The following ATP2C1 variants were observed in gnomAD, a reference collection of about 807,000 sequenced individuals.
ATP2C1 encodes the protein calcium-transporting ATPase type 2C member 1.
In ATP2C1, 31 loss-of-function variants were observed where a neutral mutation model predicts 120.5. The observed-to-expected ratio is 0.26, with a 90% CI of 0.19 to 0.35. ATP2C1 has a LOEUF of 0.35. Among genes scored for constraint, ATP2C1 ranks in the 10% least tolerant of loss-of-function variants. The pLI, the probability that ATP2C1 is intolerant of heterozygous loss-of-function variation, is 1.00. For synonymous variants in ATP2C1, 351 were observed against 358.7 expected (o/e 0.98, Z 0.24); for missense variants, 731 against 1,107.5 (o/e 0.66, Z 4.83).
intron 8 of ATP2C1, among the ~76,000 whole-genome samples, chr3:130,951,529 A>C (rs2060368641): frequency 6.6e-6 from 1 of 152,182 alleles, no homozygotes; most frequent in Non-Finnish European, 1.5e-5. Context: ...GGCCCATTTT[A>C]AGATTTGTTT....
At chr3:130,989,258 A>AC (rs1355371793) in intron 20 of ATP2C1, among the ~76,000 whole-genome samples, 6 of 146,598 alleles carry the variant, frequency 4.1e-5, no homozygotes, top group Non-Finnish European at 7.5e-5. Flanking sequence ...AAAAAAAAAA[A>AC]AAACAAAAAA....
At chr3:130,897,761 A>G (rs1056583658) in intron 2 of ATP2C1, among the ~76,000 whole-genome samples, 18 of 152,206 alleles carry the variant, frequency 1.2e-4, no homozygotes, top group African/African-American at 3.9e-4. Flanking sequence ...AGCTTGACCA[A>G]TTTTTAGCTG....
rs149854711 is a variant in ATP2C1, at chr3:131,010,169, CTCT to C, written c.2630-5980_2630-5978del. Among the ~76,000 whole-genome samples, 1,184 of 149,176 alleles carry C rather than the reference CTCT, an allele frequency of 7.9e-3. 15 individuals carry two copies. Among genetic ancestry groups the C allele is most frequent in the African/African-American group, 0.027 (1,107 of 40,556 alleles). ...AATTCCTAGGAAATGGTAATATCTG[CTCT>C]TCATCTTTTTCTATCTTTTTTTTTT... On this transcript the variant is annotated intron_variant, in intron 26 of 26. Coordinates refer to the ATP2C1 transcript ENST00000328560.
chr3:130,858,566 G>A (rs969731609), intron 1 of ATP2C1, among the ~76,000 whole-genome samples: 1 of 152,160 alleles, frequency 6.6e-6, no homozygotes, highest in Non-Finnish European at 1.5e-5. Context: ...GCATCTTTCT[G>A]TGGGGGCTAT....
At chr3:130,977,330 G>A (rs969197966) in intron 18 of ATP2C1, among the ~76,000 whole-genome samples, 1 of 152,034 alleles carries the variant, frequency 6.6e-6, no homozygotes, top group Non-Finnish European at 1.5e-5. Flanking sequence ...AAAGACCGTT[G>A]GTGAACAAAA....
intron 1 of ATP2C1, among the ~76,000 whole-genome samples, chr3:130,880,520 A>T (rs2068747652): frequency 6.6e-6 from 1 of 152,210 alleles, no homozygotes; most frequent in Non-Finnish European, 1.5e-5. Context: ...GGCATACTGT[A>T]AATGCTTCTA....
intron 6 of ATP2C1, 24 bp downstream of exon 6, chr3:130,937,487 T>C: frequency 6.2e-7 from 1 of 1,604,278 alleles, no homozygotes; most frequent in Non-Finnish European, 8.5e-7. Context: ...TTTGCCAACA[T>C]GAAAATGGTA....
chr3:130,959,052 G>A (rs2060702375), intron 11 of ATP2C1, among the ~76,000 whole-genome samples: 1 of 152,098 alleles, frequency 6.6e-6, no homozygotes, highest in Admixed American at 6.6e-5. Flanking sequence ...CATGTGTGGT[G>A]TGTGTGTGCA....
chr3:131,006,635 T>TTGTGTGTGTGTG (rs3073260), downstream of ATP2C1, among the ~76,000 whole-genome samples: 3 of 147,166 alleles, frequency 2.0e-5, no homozygotes, highest in East Asian at 4.0e-4. Context: ...TAGTGTGTGT[T>TTGTGTGTGTGTG]TGTGTGTGTG....
intron 1 of ATP2C1, chr3:130,856,047 GA>G (rs2067831016): frequency 1.3e-5 from 2 of 151,994 alleles, no homozygotes; most frequent in Middle Eastern, 6.8e-3. Context: ...GTTTAACAGT[GA>G]ATCTGCTTAA....
intron 6 of ATP2C1, 61 bp from the exon 7 acceptor site, chr3:130,940,569 A>G: frequency 9.3e-7 from 1 of 1,070,470 alleles, no homozygotes; most frequent in Non-Finnish European, 1.4e-6. Context: ...GAGATTAATA[A>G]GTCTAAATGG....
chr3:130,945,670 C>T (rs1412409505), intron 8 of ATP2C1, among the ~76,000 whole-genome samples: 1 of 152,098 alleles, frequency 6.6e-6, no homozygotes, highest in Non-Finnish European at 1.5e-5. Context: ...CCAGCTTCAT[C>T]CATGTCCCTA....
intron 5 of ATP2C1, among the ~76,000 whole-genome samples, chr3:130,937,047 GTTA>G (rs2108408612): frequency 6.6e-6 from 1 of 152,132 alleles, no homozygotes; most frequent in African/African-American, 2.4e-5. Context: ...TTTTCATAAA[GTTA>G]TTTGTGTTAG....
intron 1 of ATP2C1, among the ~76,000 whole-genome samples, chr3:130,877,197 C>A (rs2068631505): frequency 6.6e-6 from 1 of 152,166 alleles, no homozygotes; most frequent in African/African-American, 2.4e-5. Context: ...CATTCCTTCA[C>A]TCACAGTCTT....
At chr3:131,004,149 T>C (rs1369180897), downstream of ATP2C1, among the ~76,000 whole-genome samples, 2 of 152,232 alleles carry the variant, frequency 1.3e-5, no homozygotes, top group Non-Finnish European at 2.9e-5. Flanking sequence ...CCATTTACTT[T>C]AAAAATACAC....
At chr3:130,892,271 T>TCAAAGTA, upstream of ATP2C1, among the ~76,000 whole-genome samples, 1 of 152,236 alleles carries the variant, frequency 6.6e-6, no homozygotes, top group East Asian at 1.9e-4. Flanking sequence ...AGTATTTATA[T>TCAAAGTA]TGTGTAATTT....
intron 2 of ATP2C1, among the ~76,000 whole-genome samples, chr3:130,916,831 G>T (rs1228496500): frequency 6.6e-6 from 1 of 151,954 alleles, no homozygotes; most frequent in African/African-American, 2.4e-5. Context: ...CCATACAAAT[G>T]GTGTTTTCTT....
chr3:130,905,586 T>C (rs1051840175), intron 2 of ATP2C1, among the ~76,000 whole-genome samples: 2 of 152,138 alleles, frequency 1.3e-5, no homozygotes, highest in Non-Finnish European at 2.9e-5. Flanking sequence ...TTTCAGAAGT[T>C]ACTTGGGTTC....
rs3773799 is a variant in ATP2C1, at chr3:130,930,020, A to C, written c.7-396A>C. On this transcript the variant is annotated intron_variant, in intron 2 of 27. Transcript: ENST00000510168. ...GCTGACTGACTAAGAGGAGTAGTTAAAATGGAGAAAGCTTAGCTGTACTTT... is the reference window on the plus strand; with the variant it reads ...GCTGACTGACTAAGAGGAGTAGTTACAATGGAGAAAGCTTAGCTGTACTTT... 6.7e-4 allele frequency: 226 copies of C among 336,880 alleles called. 2 individuals carry two copies. In the East Asian group the frequency reaches 8.7e-3, roughly 13 times the overall value. 20.9% of individuals were successfully genotyped at this position (336,880 alleles called of 1,614,324 possible).
Sources: gnomAD v4.1 joint callset for allele counts (sites outside exome capture counted in the v4.1 genomes callset) on GRCh38, gnomAD v4.1.1 for gene constraint, MANE v1.5 for transcripts, NCBI Gene and HGNC (gene_info 2026-07-23, HGNC 2026-07-21) for gene names.